The following EZH1 variants were observed in gnomAD, a reference collection of about 807,000 sequenced individuals.
EZH1 encodes the protein histone-lysine N-methyltransferase EZH1.
EZH1 carries 33 observed loss-of-function variants against 100.5 expected under a neutral mutation model. The ratio of observed to expected loss-of-function variants is 0.33; its 90% confidence interval spans 0.25 to 0.44. The LOEUF is 0.44. EZH1 is among the 20% of genes least tolerant of loss of function. The probability of loss-of-function intolerance (pLI) is 1.00; values close to 1 mark genes in which losing one functional copy is unlikely to be tolerated. For missense variants in EZH1, 475 were observed against 928.4 expected (o/e 0.51, Z 6.35); for synonymous variants, 272 against 313.8 (o/e 0.87, Z 1.41).
rs7214055 is a variant in EZH1 at position 42,701,153 on chromosome 17, G to C, written c.*1379C>G. 0.1 allele frequency: 15,386 copies of C among 152,672 alleles called. 2,267 individuals carry two copies. Among genetic ancestry groups the C allele is most frequent in the African/African-American group, 0.33 (13,560 of 41,456 alleles). The allele number at this position is 152,672 out of a possible 1,614,324, so 9.5% of individuals were successfully genotyped here. On this transcript the variant is annotated 3_prime_UTR_variant, in exon 21 of 21. Transcript: ENST00000428826. ...AAATTCTTCTGTGTGAAACTCACTC[G>C]TCTGCCTCTCCCAGGAGATGAGACA...
chr17:42,724,264 C>T, intron 5 of EZH1, 41 bp downstream of exon 5: 1 of 1,609,764 alleles, frequency 6.2e-7, no homozygotes, highest in Non-Finnish European at 8.5e-7. Context: ...ATAACACAAT[C>T]ATACAGTTTA....
chr17:42,744,758 G>A (rs1261637355), intron 1 of EZH1, among the ~76,000 whole-genome samples: 1 of 102,810 alleles, frequency 9.7e-6, no homozygotes, highest in Admixed American at 1.0e-4. Flanking sequence ...CGCCCCCGCC[G>A]CTCCTCCTCC....
chr17:42,735,229 A>T (rs898292353), intron 1 of EZH1, among the ~76,000 whole-genome samples: 6 of 152,168 alleles, frequency 3.9e-5, no homozygotes, highest in Admixed American at 3.9e-4. Context: ...GCTCGAGACC[A>T]GCCTGGCCAA....
intron 7 of EZH1, 62 bp from the exon 8 acceptor site, chr17:42,719,269 G>A: frequency 7.8e-7 from 1 of 1,286,020 alleles, no homozygotes; most frequent in Non-Finnish European, 1.1e-6. Flanking sequence ...ACAAATCTGT[G>A]TGATCTTTTT....
At chr17:42,727,499 T>G in intron 4 of EZH1, 136 bp downstream of exon 4, 1 of 1,067,562 alleles carries the variant, frequency 9.4e-7, no homozygotes, top group Non-Finnish European at 1.3e-6. Context: ...CACCTCAGCC[T>G]CCCAAATAGC....
At chr17:42,742,939 G>A (rs576582183) in intron 1 of EZH1, among the ~76,000 whole-genome samples, 1 of 151,468 alleles carries the variant, frequency 6.6e-6, no homozygotes, top group Non-Finnish European at 1.5e-5. Flanking sequence ...GGTGCATGTC[G>A]GCTCACTGCA....
chr17:42,708,097 CAG>C lies in EZH1; in HGVS notation c.1535-16_1535-15del, dbSNP rs775120882. ...TGGAAGAGTTATCTAGGAAAGAAAA[CAG>C]AGGAGGATGCTGCTGTGACCATACT... On this transcript the variant is annotated splice_polypyrimidine_tract_variant and intron_variant, in intron 14 of 20. Coordinates refer to ENST00000428826, the MANE Select transcript of EZH1 (RefSeq NM_001991.5). 11 of 1,592,202 alleles carry C rather than the reference CAG, an allele frequency of 6.9e-6. No individual in the cohort carries two copies. The South Asian group carries it at 1.0e-4, about 15-fold the overall frequency.
chr17:42,733,466 C>T (rs1228931907), intron 1 of EZH1, among the ~76,000 whole-genome samples: 1 of 151,678 alleles, frequency 6.6e-6, no homozygotes, highest in Non-Finnish European at 1.5e-5. Flanking sequence ...ATGGTGAAAC[C>T]CCGTCTCTTC....
Position 42,702,446 on chromosome 17 carries a change from G to T in EZH1, c.*86C>A. ...GGGGTTTCTCAGTGTGGGAGACACA[G>T]TGCAGGAGACTCGAGCAGCAGTGGT... On this transcript the variant is annotated 3_prime_UTR_variant, in exon 21 of 21. Coordinates refer to ENST00000428826, the MANE Select transcript of EZH1 (RefSeq NM_001991.5). The T allele has an allele frequency of 8.6e-7, 1 of 1,163,564 alleles. No individual in the cohort carries two copies. Among genetic ancestry groups the T allele is most frequent in the Non-Finnish European group, 1.2e-6 (1 of 806,752 alleles). The allele number at this position is 1,163,564 out of a possible 1,614,324, so 72.1% of individuals were successfully genotyped here.
At chr17:42,739,681 C>T (rs2054139111) in intron 1 of EZH1, among the ~76,000 whole-genome samples, 1 of 151,808 alleles carries the variant, frequency 6.6e-6, no homozygotes, top group East Asian at 1.9e-4. Context: ...GAGCTGAGAT[C>T]GTGCCATTGC....
intron 1 of EZH1, among the ~76,000 whole-genome samples, chr17:42,734,050 A>AT (rs111718392): frequency 0.014 from 2,027 of 140,130 alleles, 22 homozygotes; most frequent in Middle Eastern, 0.018. Context: ...ATGCACATGG[A>AT]TTTTTTTTTT....
At chr17:42,709,079 C>T (rs532354816) in intron 13 of EZH1, 163 bp from the exon 14 acceptor site, 46 of 698,054 alleles carry the variant, frequency 6.6e-5, no homozygotes, top group African/African-American at 5.8e-4. Flanking sequence ...AGCTAGAGTC[C>T]ATCCTAAATC....
intron 11 of EZH1, 56 bp from the exon 12 acceptor site, chr17:42,712,541 T>C (rs2053504490): frequency 6.6e-7 from 1 of 1,519,434 alleles, no homozygotes; most frequent in Non-Finnish European, 9.0e-7. Flanking sequence ...TTGTCATCAG[T>C]AGTTTGTCAC....
In EZH1 at chr17:42,708,123, C is replaced by T. The variant is rs58390814; in HGVS notation, c.1535-40G>A. The T allele has an allele frequency of 7.0e-3, 10,936 of 1,554,634 alleles. 518 individuals are homozygous for T. In the South Asian group the frequency reaches 0.094, roughly 13 times the overall value. ...AGAGGAGGATGCTGCTGTGACCATA[C>T]TCTCCAGCTGTCTTCCCTCCCAAGT... is the stretch of plus-strand genomic sequence containing the variant. On this transcript the variant is annotated intron_variant, in intron 14 of 20. Coordinates refer to ENST00000428826, the MANE Select transcript of EZH1 (RefSeq NM_001991.5).
At chr17:42,704,400 G>C (rs938717808) in intron 18 of EZH1, among the ~76,000 whole-genome samples, 14 of 152,098 alleles carry the variant, frequency 9.2e-5, no homozygotes, top group African/African-American at 3.4e-4. Flanking sequence ...TATTAGCCGG[G>C]CATGGTGGCA....
At chr17:42,710,050 C>T (rs2053445346) in intron 12 of EZH1, 113 bp from the exon 13 acceptor site, 1 of 826,852 alleles carries the variant, frequency 1.2e-6, no homozygotes, top group Admixed American at 1.9e-5. Context: ...GCTGACCAAG[C>T]CTCTCATCAG....
intron 1 of EZH1, among the ~76,000 whole-genome samples, chr17:42,733,337 CAAAAA>C (rs1204785901): frequency 2.7e-5 from 2 of 74,700 alleles, no homozygotes; most frequent in Non-Finnish European, 5.6e-5. Context: ...AACTCTGTCT[CAAAAA>C]AAAAAAAAAA....
At chr17:42,709,039 C>A in intron 13 of EZH1, 123 bp from the exon 14 acceptor site, 1 of 1,079,862 alleles carries the variant, frequency 9.3e-7, no homozygotes. Context: ...TCTTCCCAAA[C>A]CCCTCAACAG....
chr17:42,703,354 T>G (rs2053284319), intron 19 of EZH1: 1 of 289,242 alleles, frequency 3.5e-6, no homozygotes, highest in Non-Finnish European at 6.6e-6. Context: ...ATTTTTGTAT[T>G]TTTAGTAGAG....
Sources: gnomAD v4.1 joint callset for allele counts (sites outside exome capture counted in the v4.1 genomes callset) on GRCh38, gnomAD v4.1.1 for gene constraint, MANE v1.5 for transcripts, NCBI Gene and HGNC (gene_info 2026-07-23, HGNC 2026-07-21) for gene names.